LURAP1L: variants seen among roughly 807,000 people sequenced by gnomAD.
LURAP1L encodes the protein leucine rich adaptor protein 1 like.
In LURAP1L, 12 loss-of-function variants were observed where a neutral mutation model predicts 13.8. The observed-to-expected ratio is 0.87, with a 90% CI of 0.56 to 1.41. LURAP1L has a LOEUF of 1.41. Among genes scored for constraint, LURAP1L ranks in the 40% most tolerant of loss-of-function variants. The pLI is 0.00. For synonymous variants in LURAP1L, 139 were observed against 119.2 expected (o/e 1.17, Z -1.08); for missense variants, 375 against 292.9 (o/e 1.28, Z -2.04).
rs1819158570 is a variant in LURAP1L, at chr9:12,775,586, T to C, written c.-130T>C. ...GCATAGGCGGTTATGGAAAGGACGGTACACCGGAGCGGCGGAGGATAGAGA... is the reference window on the plus strand; with the variant it reads ...GCATAGGCGGTTATGGAAAGGACGGCACACCGGAGCGGCGGAGGATAGAGA... On this transcript the variant is annotated 5_prime_UTR_variant, in exon 1 of 2. Coordinates refer to ENST00000319264, the MANE Select transcript of LURAP1L (RefSeq NM_203403.2). 7.1e-7 allele frequency: 1 copy of C among 1,410,474 alleles called. No individual in the cohort carries two copies. Among genetic ancestry groups the C allele is most frequent in the Non-Finnish European group, 9.3e-7 (1 of 1,074,626 alleles). 87.4% of individuals were successfully genotyped at this position (1,410,474 alleles called of 1,614,324 possible).
At chr9:12,800,638 G>C (rs1164992358) in intron 1 of LURAP1L, among the ~76,000 whole-genome samples, 2 of 151,994 alleles carry the variant, frequency 1.3e-5, no homozygotes, top group Non-Finnish European at 2.9e-5. Context: ...CTGAATATTT[G>C]AAAATCTAGT....
At chr9:12,777,458 A>G (rs536893666) in intron 1 of LURAP1L, 24 of 985,312 alleles carry the variant, frequency 2.4e-5, no homozygotes, top group African/African-American at 3.5e-5. Context: ...AGGACTTAAT[A>G]TGAGGGACGA....
At position 12,777,696 on chromosome 9, in the gene LURAP1L, A is replaced by T. The variant is rs999825804; in HGVS notation, c.312+1669A>T. 6.4e-6 allele frequency: 3 copies of T among 468,034 alleles called. No homozygotes were observed. In the African/African-American group the frequency reaches 6.5e-5, roughly 10 times the overall value. 29.0% of individuals were successfully genotyped at this position (468,034 alleles called of 1,614,324 possible). On this transcript the variant is annotated intron_variant, in intron 1 of 1. Coordinates refer to ENST00000319264, the MANE Select transcript of LURAP1L (RefSeq NM_203403.2). ...CTTGAAAACAGTAACATTTCCAAAA[A>T]CCGATGAACCCCACCCTGTCCCAAG... is the stretch of plus-strand genomic sequence containing the variant.
chr9:12,811,389 A>G (rs542473916), intron 1 of LURAP1L, among the ~76,000 whole-genome samples: 15 of 152,340 alleles, frequency 9.8e-5, no homozygotes, highest in African/African-American at 3.6e-4. Flanking sequence ...TGTTGAAAGC[A>G]TCATTTTTGT....
At chr9:12,808,631 G>C (rs1031415223) in intron 1 of LURAP1L, among the ~76,000 whole-genome samples, 1 of 151,998 alleles carries the variant, frequency 6.6e-6, no homozygotes, top group African/African-American at 2.4e-5. Flanking sequence ...TAGGTAAGGT[G>C]TTCTTTTTCC....
chr9:12,783,291 A>G (rs1480199418), intron 1 of LURAP1L, among the ~76,000 whole-genome samples: 1 of 152,040 alleles, frequency 6.6e-6, no homozygotes, highest in Non-Finnish European at 1.5e-5. Flanking sequence ...TCCAGACCTT[A>G]GAGGAAAGCC....
At chr9:12,810,185 A>C (rs2118534023) in intron 1 of LURAP1L, among the ~76,000 whole-genome samples, 1 of 152,288 alleles carries the variant, frequency 6.6e-6, no homozygotes, top group East Asian at 1.9e-4. Flanking sequence ...AGAACCTGGT[A>C]GGTTTCCTGG....
chr9:12,807,094 A>AATATATATATAT lies in LURAP1L; in HGVS notation c.313-14279_313-14268dup, dbSNP rs71329889. Among the ~76,000 whole-genome samples the AATATATATATAT allele has an allele frequency of 8.6e-4, 100 of 116,158 alleles. 2 individuals carry two copies. Among genetic ancestry groups the AATATATATATAT allele is most frequent in the African/African-American group, 1.8e-3 (55 of 31,226 alleles). The allele number at this position is 116,158 out of a possible 152,430, so 76.2% of individuals were successfully genotyped here. A position where few individuals can be genotyped will look rare whatever the true frequency, so the allele number is the denominator to read the frequency against. ...CACGGCGAAGCCCTGTCTCTACTAA[A>AATATATATATAT]ATATATATATATATATATATATATT... On this transcript the variant is annotated intron_variant, in intron 1 of 1. Coordinates refer to ENST00000319264, the MANE Select transcript of LURAP1L (RefSeq NM_203403.2).
rs1443866151 is a variant in LURAP1L at position 12,822,241 on chromosome 9, C to T, written c.*481C>T. ...ACAAAATGCTTGGAACAAAATTAAG[C>T]ATTATTTCTAGACCACAACATTCTA... On this transcript the variant is annotated 3_prime_UTR_variant, in exon 2 of 2. Coordinates refer to ENST00000319264, the MANE Select transcript of LURAP1L (RefSeq NM_203403.2). The T allele has an allele frequency of 6.4e-6, 1 of 157,048 alleles. No homozygotes were observed. The highest frequency in any genetic ancestry group is 1.4e-5 in the Non-Finnish European group (1 of 70,660). The allele number at this position is 157,048 out of a possible 1,614,324, so 9.7% of individuals were successfully genotyped here.
chr9:12,800,579 T>C (rs563131423), intron 1 of LURAP1L, among the ~76,000 whole-genome samples: 1 of 152,292 alleles, frequency 6.6e-6, no homozygotes, highest in African/African-American at 2.4e-5. Context: ...AAAAATCTCT[T>C]ACTCATTTGT....
chr9:12,791,157 T>C (rs921006493), intron 1 of LURAP1L, among the ~76,000 whole-genome samples: 1 of 152,098 alleles, frequency 6.6e-6, no homozygotes, highest in Non-Finnish European at 1.5e-5. Flanking sequence ...ATAAGTAAGA[T>C]GGATGAATGG....
intron 1 of LURAP1L, among the ~76,000 whole-genome samples, chr9:12,808,529 T>C (rs1193515538): frequency 6.6e-6 from 1 of 152,162 alleles, no homozygotes; most frequent in East Asian, 1.9e-4. Context: ...AGTCTTTTTT[T>C]TTAAGACGGG....
chr9:12,799,256 C>G (rs1384265759), intron 1 of LURAP1L, among the ~76,000 whole-genome samples: 3 of 152,128 alleles, frequency 2.0e-5, no homozygotes, highest in Non-Finnish European at 2.9e-5. Flanking sequence ...TTTCTTTTAG[C>G]ACTAGAAATC....
intron 1 of LURAP1L, among the ~76,000 whole-genome samples, chr9:12,807,909 G>T (rs1166843710): frequency 6.6e-6 from 1 of 151,800 alleles, no homozygotes; most frequent in Non-Finnish European, 1.5e-5. Context: ...AGAGTTTTTA[G>T]AATATGTTTA....
intron 1 of LURAP1L, among the ~76,000 whole-genome samples, chr9:12,786,588 T>G (rs1416560953): frequency 1.3e-4 from 4 of 30,332 alleles, no homozygotes; most frequent in Non-Finnish European, 6.6e-5. Flanking sequence ...ATATAAACCC[T>G]TGTGCCTTAA....
intron 1 of LURAP1L, among the ~76,000 whole-genome samples, chr9:12,779,266 C>CTTTT (rs71329885): frequency 4.9e-4 from 44 of 90,294 alleles, no homozygotes; most frequent in East Asian, 1.3e-3. Flanking sequence ...ATCTTATAAT[C>CTTTT]TTTTTTTTTT....
Position 12,822,563 on chromosome 9 carries a change from C to T in LURAP1L, c.*803C>T, listed in dbSNP as rs1819895696. 6.6e-6 allele frequency among the ~76,000 whole-genome samples: 1 copy of T among 152,042 alleles called. No individual in the cohort carries two copies. The highest frequency in any genetic ancestry group is 6.6e-5 in the Admixed American group (1 of 15,256). ...ATTTACTTGTATGTATTTTGTGATT[C>T]TGATAGGATGTATAAATACTTAGAT... On this transcript the variant is annotated 3_prime_UTR_variant, in exon 2 of 2. Coordinates refer to ENST00000319264, the MANE Select transcript of LURAP1L (RefSeq NM_203403.2).
intron 1 of LURAP1L, among the ~76,000 whole-genome samples, chr9:12,797,046 A>G (rs1275688439): frequency 2.6e-5 from 4 of 152,048 alleles, no homozygotes; most frequent in Non-Finnish European, 4.4e-5. Context: ...TCTTGTCACT[A>G]TGAAAGTCAA....
chr9:12,816,139 T>C (rs1164449875), intron 1 of LURAP1L, among the ~76,000 whole-genome samples: 1 of 152,190 alleles, frequency 6.6e-6, no homozygotes, highest in African/African-American at 2.4e-5. Context: ...AATCCTGGGA[T>C]TATCTGATCT....
Sources: allele counts gnomAD v4.1 joint callset (sites outside exome capture counted in the v4.1 genomes callset), GRCh38; gene constraint gnomAD v4.1.1; transcripts MANE v1.5; gene names NCBI Gene and HGNC (gene_info 2026-07-23, HGNC 2026-07-21).